Variants in UBAC2 observed in about 807,000 individuals in gnomAD.
The protein encoded by UBAC2 is UBA domain containing 2.
In UBAC2, 26 loss-of-function variants were observed where a neutral mutation model predicts 44.0. The ratio of observed to expected loss-of-function variants is 0.59; its 90% CI spans 0.43 to 0.82. The LOEUF is 0.82. Ranked by LOEUF, UBAC2 falls within the 40% of genes least tolerant of loss-of-function variation. UBAC2 has a pLI of 0.00. For synonymous variants in UBAC2, 155 were observed against 154.3 expected, an observed-to-expected ratio of 1.00 and a Z score of -0.04; for missense variants, 329 against 419.4, an observed-to-expected ratio of 0.78 and a Z score of 1.88.
At chr13:99,379,901 C>T (rs1021258790) in intron 8 of UBAC2, among the ~76,000 whole-genome samples, 4 of 152,202 alleles carry the variant, frequency 2.6e-5, no homozygotes, top group African/African-American at 9.7e-5. Context: ...TTTTATAACA[C>T]AGAGCAGAAA....
intron 1 of UBAC2, among the ~76,000 whole-genome samples, chr13:99,225,586 C>T (rs1487395888): frequency 1.3e-5 from 2 of 152,134 alleles, no homozygotes; most frequent in Admixed American, 6.5e-5. Flanking sequence ...GGGTTCCTCC[C>T]GCCAGTATGT....
chr13:99,200,961 C>T, intron 1 of UBAC2, 22 bp downstream of exon 1: 1 of 1,303,352 alleles, frequency 7.7e-7, no homozygotes, highest in Non-Finnish European at 9.8e-7. Context: ...CCTCCGCCAT[C>T]CTGGCTGCCC....
At chr13:99,203,398 AAAG>A (rs2042830080) in intron 1 of UBAC2, among the ~76,000 whole-genome samples, 1 of 152,232 alleles carries the variant, frequency 6.6e-6, no homozygotes, top group Non-Finnish European at 1.5e-5. Context: ...CAAGAATCTG[AAAG>A]AAGGACGACA....
intron 1 of UBAC2, chr13:99,201,616 AGT>A (rs773436092): frequency 1.2e-6 from 2 of 1,603,602 alleles, no homozygotes; most frequent in South Asian, 1.1e-5. Context: ...TTTCTCACTG[AGT>A]GTGTGGAATT....
chr13:99,330,318 G>C (rs2044697273), intron 6 of UBAC2, among the ~76,000 whole-genome samples: 1 of 151,696 alleles, frequency 6.6e-6, no homozygotes, highest in East Asian at 1.9e-4. Flanking sequence ...AATTAGCCAG[G>C]CTTGGTGGCG....
At chr13:99,215,633 C>A in intron 1 of UBAC2, 4 of 1,332,058 alleles carry the variant, frequency 3.0e-6, no homozygotes, top group Non-Finnish European at 4.3e-6. Context: ...GTCTGTGACC[C>A]GTCGTCCTAG....
chr13:99,201,617 G>A, intron 1 of UBAC2: 1 of 1,603,790 alleles, frequency 6.2e-7, no homozygotes, highest in Non-Finnish European at 8.5e-7. Flanking sequence ...TTCTCACTGA[G>A]TGTGTGGAAT....
At chr13:99,341,091 A>G (rs1251506551) in intron 7 of UBAC2, among the ~76,000 whole-genome samples, 4 of 152,222 alleles carry the variant, frequency 2.6e-5, no homozygotes, top group African/African-American at 9.6e-5. Context: ...TTTGTCTACA[A>G]ATTCTGCATC....
intron 4 of UBAC2, among the ~76,000 whole-genome samples, chr13:99,257,116 T>C (rs1349954689): frequency 6.6e-6 from 1 of 152,180 alleles, no homozygotes; most frequent in Admixed American, 6.6e-5. Flanking sequence ...TTTCTTCCCT[T>C]CTTCTCCTTC....
intron 6 of UBAC2, 83 bp from the exon 7 acceptor site, chr13:99,340,237 T>A (rs1209023613): frequency 6.7e-7 from 1 of 1,500,340 alleles, no homozygotes; most frequent in African/African-American, 1.4e-5. Flanking sequence ...GTGCAGTGTC[T>A]GGAGGCTGCT....
intron 4 of UBAC2, among the ~76,000 whole-genome samples, chr13:99,260,417 G>C (rs1047251169): frequency 2.0e-5 from 3 of 152,180 alleles, no homozygotes; most frequent in Non-Finnish European, 4.4e-5. Flanking sequence ...GGAGAGGTTG[G>C]GGGAGGAATG....
intron 4 of UBAC2, among the ~76,000 whole-genome samples, chr13:99,288,328 C>G (rs771182443): frequency 6.6e-6 from 1 of 152,160 alleles, no homozygotes; most frequent in African/African-American, 2.4e-5. Flanking sequence ...TAACGTGGCC[C>G]CTGCTCTGGA....
At chr13:99,330,979 A>G (rs1041315075) in intron 6 of UBAC2, among the ~76,000 whole-genome samples, 9 of 152,258 alleles carry the variant, frequency 5.9e-5, no homozygotes, top group Admixed American at 5.2e-4. Context: ...GTTTGTTTAC[A>G]TATAAGAACC....
In UBAC2 at chr13:99,274,099, T is replaced by C. The variant is rs985782493; in HGVS notation, c.389+29475T>C. On this transcript the variant is annotated intron_variant, in intron 4 of 8. Transcript: ENST00000403766. ...CACTCCCTAAAAGGTCCACTTTTGC[T>C]ACCTTACAGTTACTCCTTCCTCCCA... Among the ~76,000 whole-genome samples the C allele has an allele frequency of 1.6e-4, 24 of 152,258 alleles. 1 individual carries two copies. In the Middle Eastern group the frequency reaches 0.024, roughly 151 times the overall value.
chr13:99,368,054 C>CT (rs996015549), intron 8 of UBAC2, 148 bp downstream of exon 8: 118 of 827,236 alleles, frequency 1.4e-4, no homozygotes, highest in Middle Eastern at 4.4e-4. Context: ...AGACTTTGGG[C>CT]TTTTTTTTGG....
intron 1 of UBAC2, among the ~76,000 whole-genome samples, chr13:99,226,234 G>A (rs558026749): frequency 2.0e-5 from 3 of 152,304 alleles, no homozygotes; most frequent in South Asian, 4.1e-4. Flanking sequence ...AGGTAGGAAA[G>A]ACAACATGTC....
intron 4 of UBAC2, among the ~76,000 whole-genome samples, chr13:99,284,897 G>A (rs2043998584): frequency 6.6e-6 from 1 of 152,070 alleles, no homozygotes; most frequent in South Asian, 2.1e-4. Context: ...ATTTCTCTTG[G>A]AATAACATTT....
intron 5 of UBAC2, among the ~76,000 whole-genome samples, chr13:99,315,380 G>C (rs1029927803): frequency 6.6e-6 from 1 of 152,188 alleles, no homozygotes; most frequent in African/African-American, 2.4e-5. Flanking sequence ...TCCTAGCATG[G>C]CTGTCTCCAG....
At chr13:99,216,030 C>A (rs1342809304) in intron 1 of UBAC2, among the ~76,000 whole-genome samples, 4 of 151,816 alleles carry the variant, frequency 2.6e-5, no homozygotes. Flanking sequence ...AAAGTAATTG[C>A]GGTTTTTGCC....
Sources: gnomAD v4.1 joint callset for allele counts (sites outside exome capture counted in the v4.1 genomes callset) on GRCh38, gnomAD v4.1.1 for gene constraint, MANE v1.5 for transcripts, NCBI Gene and HGNC (gene_info 2026-07-23, HGNC 2026-07-21) for gene names.